The following LUZP1 variants were observed in gnomAD, a reference collection of about 807,000 sequenced individuals.
LUZP1 encodes filamin mechanobinding actin cross-linking protein.
A neutral mutation model predicts 71.3 loss-of-function variants in LUZP1; 25 were observed. The observed-to-expected ratio is 0.35, with a 90% confidence interval of 0.26 to 0.49. The LOEUF (loss-of-function observed/expected upper bound fraction) is 0.49. Among genes scored for constraint, LUZP1 ranks in the 20% least tolerant of loss-of-function variants. The probability of loss-of-function intolerance (pLI) is 0.99; values close to 1 mark genes in which losing one functional copy is unlikely to be tolerated. For missense variants in LUZP1, 1,142 were observed against 1,300.8 expected, an observed-to-expected ratio of 0.88 and a Z score of 1.88; for synonymous variants, 481 against 506.4, an observed-to-expected ratio of 0.95 and a Z score of 0.67.
chr1:23,091,235 T>C (rs1170416942), exon 4 of LUZP1: 5 of 1,613,586 alleles, frequency 3.1e-6, no homozygotes, highest in Non-Finnish European at 4.2e-6. Flanking sequence ...TGGTGTCTCC[T>C]ACCCGATTCC....
intron 2 of LUZP1, among the ~76,000 whole-genome samples, chr1:23,152,017 AG>A (rs1207274971): frequency 1.7e-4 from 26 of 151,640 alleles, no homozygotes; most frequent in Non-Finnish European, 3.5e-4. Flanking sequence ...AAAAAAAAAA[AG>A]AAAAGAAATG....
In LUZP1 at chr1:23,159,235, G is replaced by A. The variant is rs866481777; in HGVS notation, c.-226+9531C>T. Reference sequence around the variant, plus strand: ...GGGCACCTGTAGTCCCAGCTACTCGGGAGGCTGAGGCAGGAGAATGGCGTG... The same window carrying A: ...GGGCACCTGTAGTCCCAGCTACTCGAGAGGCTGAGGCAGGAGAATGGCGTG... On this transcript the variant is annotated intron_variant, in intron 2 of 4. Coordinates refer to ENST00000302291, the Ensembl canonical transcript of LUZP1. 1.3e-4 allele frequency among the ~76,000 whole-genome samples: 20 copies of A among 152,016 alleles called. No homozygotes were observed. The Middle Eastern group carries it at 0.024, about 181-fold the overall frequency.
intron 2 of LUZP1, among the ~76,000 whole-genome samples, chr1:23,166,448 A>G (rs1246097708): frequency 2.0e-5 from 3 of 152,090 alleles, no homozygotes; most frequent in Non-Finnish European, 2.9e-5. Flanking sequence ...TGAGGTCAGG[A>G]GTTCGAAACC....
At chr1:23,177,493 A>G (rs1454928730) in exon 1 of LUZP1, 1 of 152,296 alleles carries the variant, frequency 6.6e-6, no homozygotes, top group South Asian at 2.1e-4. Flanking sequence ...ACACTCACCT[A>G]GAAACCCTCA....
At chr1:23,126,664 A>C (rs946642167) in intron 2 of LUZP1, among the ~76,000 whole-genome samples, 1 of 152,220 alleles carries the variant, frequency 6.6e-6, no homozygotes, top group Non-Finnish European at 1.5e-5. Flanking sequence ...GCACCATTTT[A>C]GAAAACAAAA....
At chr1:23,164,587 T>C (rs559931608) in intron 2 of LUZP1, among the ~76,000 whole-genome samples, 2 of 152,204 alleles carry the variant, frequency 1.3e-5, no homozygotes, top group Non-Finnish European at 2.9e-5. Flanking sequence ...TTCTAGAAGC[T>C]CACTAGCACA....
At chr1:23,110,665 C>CACACACACA (rs1557647742) in intron 2 of LUZP1, among the ~76,000 whole-genome samples, 11 of 151,808 alleles carry the variant, frequency 7.2e-5, no homozygotes, top group African/African-American at 2.4e-4. Flanking sequence ...CACACACACA[C>CACACACACA]CCATCCCTGC....
chr1:23,112,813 A>T (rs1644044402), intron 2 of LUZP1, among the ~76,000 whole-genome samples: 1 of 152,198 alleles, frequency 6.6e-6, no homozygotes, highest in Admixed American at 6.5e-5. Context: ...TCATGGAAGT[A>T]AGAAAAAAAA....
intron 2 of LUZP1, among the ~76,000 whole-genome samples, chr1:23,138,697 GTATATATATATA>G (rs59486855): frequency 1.8e-4 from 25 of 135,994 alleles, no homozygotes; most frequent in East Asian, 4.2e-4. Context: ...GTGTGTGTGT[GTATATATATATA>G]TATATAAATG....
At chr1:23,132,372 C>G (rs1268597605) in intron 2 of LUZP1, among the ~76,000 whole-genome samples, 1 of 152,148 alleles carries the variant, frequency 6.6e-6, no homozygotes. Flanking sequence ...AGAAATGCAA[C>G]TAATTACAGC....
intron 1 of LUZP1, among the ~76,000 whole-genome samples, chr1:23,177,280 C>A (rs1383129003): frequency 2.0e-5 from 3 of 152,144 alleles, no homozygotes; most frequent in Admixed American, 6.5e-5. Flanking sequence ...TACACAATTA[C>A]AAGGGGTTCA....
intron 2 of LUZP1, among the ~76,000 whole-genome samples, chr1:23,137,648 A>C (rs1644265676): frequency 6.6e-6 from 1 of 152,210 alleles, no homozygotes; most frequent in Non-Finnish European, 1.5e-5. Context: ...TCTCAAAAAA[A>C]AAAATGAGAT....
At chr1:23,151,599 T>C (rs1450370578) in intron 2 of LUZP1, among the ~76,000 whole-genome samples, 1 of 152,176 alleles carries the variant, frequency 6.6e-6, no homozygotes, top group Non-Finnish European at 1.5e-5. Flanking sequence ...TAAACCTCTA[T>C]GAGCTTCCAT....
chr1:23,118,898 G>A (rs1010827036), intron 2 of LUZP1, among the ~76,000 whole-genome samples: 1 of 152,086 alleles, frequency 6.6e-6, no homozygotes, highest in African/African-American at 2.4e-5. Flanking sequence ...CTGTCCTTTT[G>A]GTTCTAATAT....
chr1:23,086,657 A>G (rs1294814361), exon 5 of LUZP1: 1 of 152,580 alleles, frequency 6.6e-6, no homozygotes, highest in East Asian at 1.9e-4. Flanking sequence ...ACAGAGGTTG[A>G]TTTTCTTTGA....
At chr1:23,173,872 C>G (rs900935325) in intron 1 of LUZP1, among the ~76,000 whole-genome samples, 3 of 152,134 alleles carry the variant, frequency 2.0e-5, no homozygotes, top group African/African-American at 7.2e-5. Flanking sequence ...TCTCCCCTGA[C>G]CCTAGCCCTT....
chr1:23,169,587 A>T (rs1180879581), intron 1 of LUZP1, among the ~76,000 whole-genome samples: 2 of 152,114 alleles, frequency 1.3e-5, no homozygotes, highest in Admixed American at 1.3e-4. Context: ...TATGTTCCCG[A>T]TTTTCATCTT....
intron 3 of LUZP1, among the ~76,000 whole-genome samples, chr1:23,108,428 G>GAC (rs1282373723): frequency 2.0e-5 from 3 of 147,244 alleles, no homozygotes; most frequent in Non-Finnish European, 3.0e-5. Flanking sequence ...GGACAATACA[G>GAC]AGACCCAGTC....
chr1:23,147,005 G>A (rs532617984), intron 2 of LUZP1, among the ~76,000 whole-genome samples: 1 of 151,572 alleles, frequency 6.6e-6, no homozygotes, highest in South Asian at 2.1e-4. Flanking sequence ...GCTGAGGCAG[G>A]AGAATGGCGT....
Sources: allele counts gnomAD v4.1 joint callset (sites outside exome capture counted in the v4.1 genomes callset), GRCh38; gene constraint gnomAD v4.1.1; transcripts MANE v1.5; gene names NCBI Gene and HGNC (gene_info 2026-07-23, HGNC 2026-07-21).